Variants in LILRB4 observed in about 807,000 individuals in gnomAD.
The protein encoded by LILRB4 is leukocyte immunoglobulin-like receptor subfamily B member 4.
A neutral mutation model predicts 55.2 loss-of-function variants in LILRB4; 49 were observed. That is an observed-to-expected ratio of 0.89 (90% CI 0.71 to 1.13). The LOEUF (loss-of-function observed/expected upper bound fraction) is 1.13, where lower values mean the gene tolerates loss of function less well. Ranked by LOEUF, LILRB4 falls within the 50% of genes most tolerant of loss-of-function variation. The pLI is 0.00. For missense variants in LILRB4, 590 were observed against 555.2 expected, an observed-to-expected ratio of 1.06 and a Z score of -0.63; for synonymous variants, 229 against 213.8, an observed-to-expected ratio of 1.07 and a Z score of -0.62.
In LILRB4 at chr19:54,667,346, A is replaced by G. The variant is rs73933940; in HGVS notation, c.1042-292A>G. ...GACGGAGAGGGCCACGTGATCCTCT[A>G]ATGGACGAGCCCCTGCAGGCAGAGG... is the stretch of plus-strand genomic sequence containing the variant. On this transcript the variant is annotated intron_variant, in intron 10 of 11. Transcript: ENST00000430952. 3.2e-3 allele frequency: 1,963 copies of G among 613,710 alleles called. 9 individuals are homozygous for G. Among genetic ancestry groups the G allele is most frequent in the East Asian group, 0.014 (463 of 33,202 alleles). 38.0% of individuals were successfully genotyped at this position (613,710 alleles called of 1,614,324 possible).
chr19:54,664,927 C>T (rs754365265), intron 5 of LILRB4, 78 bp downstream of exon 5: 34 of 1,460,890 alleles, frequency 2.3e-5, no homozygotes, highest in African/African-American at 4.2e-5. Context: ...GGATCTAAGT[C>T]CTCGTTCCAA....
rs544434405 is a variant in LILRB4, at chr19:54,663,243, G to A, written c.34+176G>A. The stretch of plus-strand genomic sequence containing the variant: ...GGGCGGATCACGAGGTCAGGAGATC[G>A]AGACCATCCTGGCTAACACGGTGAA... On this transcript the variant is annotated intron_variant, in intron 1 of 11. Coordinates refer to ENST00000430952, the Ensembl canonical transcript of LILRB4. Among the ~76,000 whole-genome samples the A allele has an allele frequency of 4.6e-5, 7 of 151,924 alleles. No homozygotes were observed. The East Asian group carries it at 9.7e-4, about 21-fold the overall frequency.
Position 54,667,973 on chromosome 19 carries a change from C to G in LILRB4, c.1298C>G (p.Ala433Gly), listed in dbSNP as rs142460517. The change falls in exon 12 of 12, where the codon GCC becomes GGC. Residue 433 changes from alanine to glycine, a missense_variant. Coordinates refer to ENST00000430952, the Ensembl canonical transcript of LILRB4. ...GAGCCTCCTCCATCCCAGGAAGGGG[C>G]CTCTCCAGCTGAGCCCAGTGTCTAT... 5.5e-4 allele frequency: 887 copies of G among 1,613,946 alleles called. 2 individuals are homozygous for G. In the African/African-American group the frequency reaches 0.01, roughly 19 times the overall value.
intron 4 of LILRB4, 35 bp from the exon 5 acceptor site, chr19:54,664,764 C>T: frequency 1.3e-6 from 2 of 1,510,938 alleles, no homozygotes; most frequent in African/African-American, 1.4e-5. Context: ...AAGGGCAACC[C>T]CAGACTCTCA....
rs760297696 is a variant in LILRB4 at position 54,665,047 on chromosome 19, G to C, written c.707-83G>C. On this transcript the variant is annotated intron_variant, in intron 5 of 11. Coordinates refer to ENST00000430952, the Ensembl canonical transcript of LILRB4. The surrounding 1 kb of genome is among the most constrained non-coding windows in gnomAD (Gnocchi z 5.5). ...GCTGGTGAGGGGTGAGGGGGTCAAG[G>C]CTGAAGGAGATGTTGCGGGGAGAAG... 6.4e-7 allele frequency: 1 copy of C among 1,552,112 alleles called. No homozygotes were observed. Among genetic ancestry groups the C allele is most frequent in the South Asian group, 1.1e-5 (1 of 88,280 alleles).
chr19:54,667,406 G>C, intron 10 of LILRB4: 1 of 863,958 alleles, frequency 1.2e-6, no homozygotes, highest in Non-Finnish European at 1.8e-6. Flanking sequence ...GCAGCAGCGA[G>C]CTCTTGCAGG....
intron 1 of LILRB4, 148 bp downstream of exon 1, chr19:54,663,215 G>C: frequency 2.2e-6 from 2 of 921,080 alleles, no homozygotes; most frequent in Non-Finnish European, 3.2e-6. Flanking sequence ...GGGAGGCCGA[G>C]GCGGGCGGAT....
chr19:54,663,865 A>G lies in LILRB4; in HGVS notation c.182A>G (p.Asp61Gly), dbSNP rs1177900045. The change falls in exon 3 of 12, where the codon GAT becomes GGT. Residue 61 changes from aspartate (D) to glycine (G), a missense_variant. By Grantham distance (94) the Asp-to-Gly change is moderately conservative. Transcript: ENST00000430952. ...CTGGAGGCTCGGGAGTACCGTCTGG[A>G]TAAAGAGGAAAGCCCAGCACCCTGG... 1.9e-5 allele frequency: 30 copies of G among 1,613,976 alleles called. No homozygotes were observed. The Middle Eastern group carries it at 8.2e-4, about 44-fold the overall frequency.
At chr19:54,667,981 G>A in exon 12 of LILRB4, 4 of 1,614,128 alleles carry the variant, frequency 2.5e-6, no homozygotes, top group East Asian at 2.2e-5. Flanking sequence ...GGCCTCTCCA[G>A]CTGAGCCCAG....
chr19:54,664,224 C>G (rs1035859902), exon 4 of LILRB4: 2 of 1,613,982 alleles, frequency 1.2e-6, no homozygotes, highest in African/African-American at 2.7e-5. Flanking sequence ...CCTGCCGAGT[C>G]CTCTTGTGAC....
At chr19:54,664,125 G>A (rs1039422847) in intron 3 of LILRB4, 61 bp from the exon 4 acceptor site, 3 of 1,593,602 alleles carry the variant, frequency 1.9e-6, no homozygotes, top group African/African-American at 2.7e-5. Context: ...TCACAGCCCA[G>A]CCCTGGGGAT....
At position 54,667,492 on chromosome 19, in the gene LILRB4, G is replaced by A. The variant is rs2065337150; in HGVS notation, c.1042-146G>A. On this transcript the variant is annotated intron_variant, in intron 10 of 11. Transcript: ENST00000430952. ...AGACCAGAACCACAGGGAGGGAGCGGCCAGACCCTCCACGGCCTTAGGGCA... is the reference window on the plus strand; with the variant it reads ...AGACCAGAACCACAGGGAGGGAGCGACCAGACCCTCCACGGCCTTAGGGCA... The A allele has an allele frequency of 2.1e-6, 3 of 1,458,426 alleles. No individual in the cohort carries two copies. The East Asian group carries it at 7.3e-5, about 36-fold the overall frequency. The allele number at this position is 1,458,426 out of a possible 1,614,324, so 90.3% of individuals were successfully genotyped here. A position where few individuals can be genotyped will look rare whatever the true frequency, so the allele number is the denominator to read the frequency against.
Position 54,666,775 on chromosome 19 carries a change from A to G in LILRB4, c.1041+26A>G, listed in dbSNP as rs1568647982. On this transcript the variant is annotated intron_variant, in intron 10 of 11. Transcript: ENST00000430952. The surrounding 1 kb of genome is among the most constrained non-coding windows in gnomAD (Gnocchi z 4.8). ...GTGAGAACCCGCCCCTGTCCCCGGC[A>G]CCAAAGGCCTCCTGGTGCCAGATCT... 1 of 1,607,954 alleles carries G rather than the reference A, an allele frequency of 6.2e-7. No individual in the cohort carries two copies. Among genetic ancestry groups the G allele is most frequent in the Middle Eastern group, 1.7e-4 (1 of 5,918 alleles).
chr19:54,666,847 G>T lies in LILRB4; in HGVS notation c.1041+98G>T. The T allele has an allele frequency of 2.5e-6, 3 of 1,191,972 alleles. No individual in the cohort carries two copies. Among genetic ancestry groups the T allele is most frequent in the Non-Finnish European group, 3.8e-6 (3 of 796,286 alleles). 73.8% of individuals were successfully genotyped at this position (1,191,972 alleles called of 1,614,324 possible). ...CCTCCTTCCCCCGGCTCTCAGCATC[G>T]TCACGGTGGACCCCTCCTTGTCCAG... On this transcript the variant is annotated intron_variant, in intron 10 of 11. Coordinates refer to ENST00000430952, the Ensembl canonical transcript of LILRB4. The surrounding 1 kb of genome is among the most constrained non-coding windows in gnomAD (Gnocchi z 4.8).
At chr19:54,664,137 A>T in intron 3 of LILRB4, 49 bp from the exon 4 acceptor site, 1 of 1,588,368 alleles carries the variant, frequency 6.3e-7, no homozygotes, top group Non-Finnish European at 8.6e-7. Context: ...CCTGGGGATG[A>T]TGTGGGAGGT....
Position 54,666,235 on chromosome 19 carries a change from C to G in LILRB4, c.875-5C>G. 2 of 1,588,566 alleles carry G rather than the reference C, an allele frequency of 1.3e-6. No individual in the cohort carries two copies. The highest frequency in any genetic ancestry group is 1.7e-6 in the Non-Finnish European group (2 of 1,168,452). Reference sequence around the variant, plus strand: ...AGAGCTGAGACTCTGTCCATCTTCCCCCAGCCCAGAGACAGGCTGATTTCC... The same window carrying G: ...AGAGCTGAGACTCTGTCCATCTTCCGCCAGCCCAGAGACAGGCTGATTTCC... On this transcript the variant is annotated splice_polypyrimidine_tract_variant and splice_region_variant and intron_variant, in intron 7 of 11. Coordinates refer to ENST00000430952, the Ensembl canonical transcript of LILRB4. This position sits in a 1 kb window ranked among gnomAD's most constrained non-coding sequence, Gnocchi z 4.8.
chr19:54,663,986 C>T, exon 3 of LILRB4: 1 of 1,614,134 alleles, frequency 6.2e-7, no homozygotes, highest in Admixed American at 1.7e-5. Flanking sequence ...GTTACTATCG[C>T]AGCCCTGTAG....
At position 54,666,714 on chromosome 19, in the gene LILRB4, A is replaced by G. The variant is rs762649333; in HGVS notation, c.1006A>G (p.Thr336Ala). The G allele has an allele frequency of 5.6e-6, 9 of 1,614,066 alleles. No individual in the cohort carries two copies. In the East Asian group the frequency reaches 1.8e-4, roughly 32 times the overall value. The change falls in exon 10 of 12, where the codon ACA becomes GCA. Residue 336 changes from threonine (T) to alanine (A), a missense_variant. Physicochemically the swap from Thr to Ala is moderately conservative, Grantham distance 58. Transcript: ENST00000430952. The surrounding 1 kb of genome is among the most constrained non-coding windows in gnomAD (Gnocchi z 4.8). Reference sequence around the variant, plus strand: ...CCCAGCAGGTGCTGCCGTGAAGAACACACAGCCTGAGGACGGGGTGGAAAT... The same window carrying G: ...CCCAGCAGGTGCTGCCGTGAAGAACGCACAGCCTGAGGACGGGGTGGAAAT...
Position 54,665,976 on chromosome 19 carries a change from T to C in LILRB4, c.874+45T>C, listed in dbSNP as rs1282561742. On this transcript the variant is annotated intron_variant, in intron 7 of 11. Coordinates refer to ENST00000430952, the Ensembl canonical transcript of LILRB4. This position sits in a 1 kb window ranked among gnomAD's most constrained non-coding sequence, Gnocchi z 5.5. ...ACCCGTGGGCTGATGGAGGGTGGGC[T>C]CAGGGCACCAGCCAAAGGGACTCCA... 3.1e-6 allele frequency: 5 copies of C among 1,612,402 alleles called. No individual in the cohort carries two copies. Among genetic ancestry groups the C allele is most frequent in the Non-Finnish European group, 4.2e-6 (5 of 1,179,006 alleles).
Sources: gnomAD v4.1 joint callset for allele counts (sites outside exome capture counted in the v4.1 genomes callset) on GRCh38, gnomAD v4.1.1 for gene constraint, Gnocchi (gnomAD v3.1) non-coding constraint, MANE v1.5 for transcripts, NCBI Gene and HGNC (gene_info 2026-07-23, HGNC 2026-07-21) for gene names.